The following TMEM165 variants were observed in gnomAD, a reference collection of about 807,000 sequenced individuals.
The protein encoded by TMEM165 is putative divalent cation/proton antiporter TMEM165.
In TMEM165, 19 loss-of-function variants were observed where a neutral mutation model predicts 30.0. The ratio of observed to expected loss-of-function variants is 0.63; its 90% CI spans 0.44 to 0.93. The LOEUF (loss-of-function observed/expected upper bound fraction) is 0.93. TMEM165 is among the 40% of genes least tolerant of loss of function. The pLI, the probability that TMEM165 is intolerant of heterozygous loss-of-function variation, is 0.00. For missense variants in TMEM165, 340 were observed against 417.0 expected, an observed-to-expected ratio of 0.82 and a Z score of 1.61; for synonymous variants, 168 against 162.9, an observed-to-expected ratio of 1.03 and a Z score of -0.24.
rs35154686 is a variant in TMEM165 at position 55,425,453 on chromosome 4, CAA to C, written c.*2_*3del. 525,647 of 1,606,002 alleles carry C rather than the reference CAA, an allele frequency of 0.33. 91,292 individuals carry two copies. Among genetic ancestry groups the C allele is most frequent in the East Asian group, 0.61 (27,144 of 44,714 alleles). ...TATAAGCCCTGATTCTGGTTTTTAA[CAA>C]GCTGTTTGTTCATCTATATTTAGTT... On this transcript the variant is annotated 3_prime_UTR_variant, in exon 6 of 6. Transcript: ENST00000381334.
chr4:55,448,916 A>G, intron 3 of TMEM165: 2 of 1,353,822 alleles, frequency 1.5e-6, no homozygotes, highest in Non-Finnish European at 2.1e-6. Flanking sequence ...ATTCCCATAC[A>G]TGAGTACTTC....
intron 3 of TMEM165, among the ~76,000 whole-genome samples, chr4:55,450,597 G>A (rs984076554): frequency 3.3e-5 from 5 of 152,058 alleles, no homozygotes; most frequent in South Asian, 2.1e-4. Context: ...GTGAAACCCC[G>A]TCTCTACCAA....
chr4:55,437,724 G>C (rs1429905196), intron 3 of TMEM165, among the ~76,000 whole-genome samples: 3 of 152,186 alleles, frequency 2.0e-5, no homozygotes, highest in Admixed American at 2.0e-4. Flanking sequence ...GCAGTACGTG[G>C]TGCAGCAGTG....
intron 5 of TMEM165, 147 bp downstream of exon 5, chr4:55,424,790 G>A (rs1722124911): frequency 1.7e-6 from 1 of 588,452 alleles, no homozygotes; most frequent in Non-Finnish European, 2.9e-6. Context: ...ATTAATCCTG[G>A]TATTGCAAAT....
chr4:55,443,818 G>C (rs1316052878), intron 3 of TMEM165: 2 of 1,613,902 alleles, frequency 1.2e-6, no homozygotes, highest in African/African-American at 1.3e-5. Flanking sequence ...GGTGCAAGTT[G>C]CTGGATATTA....
At chr4:55,417,402 T>C (rs1016565646) in intron 3 of TMEM165, among the ~76,000 whole-genome samples, 155 bp downstream of exon 3, 4 of 152,216 alleles carry the variant, frequency 2.6e-5, no homozygotes, top group Non-Finnish European at 5.9e-5. Flanking sequence ...GTCTGTGATC[T>C]GACTTGGGGT....
chr4:55,434,815 AC>A (rs1265910979), intron 3 of TMEM165: 2 of 157,422 alleles, frequency 1.3e-5, no homozygotes, highest in African/African-American at 4.8e-5. Context: ...CATGCAGCAT[AC>A]AAAATGTTTT....
intron 4 of TMEM165, among the ~76,000 whole-genome samples, chr4:55,422,572 T>A (rs1722025586): frequency 1.3e-5 from 2 of 152,174 alleles, no homozygotes; most frequent in Admixed American, 1.3e-4. Flanking sequence ...CAACTGACTC[T>A]TAACTTTAAA....
At chr4:55,427,434 C>CTGAGT (rs1553887701), downstream of TMEM165, among the ~76,000 whole-genome samples, 5 of 152,002 alleles carry the variant, frequency 3.3e-5, no homozygotes, top group African/African-American at 1.2e-4. Flanking sequence ...CCTCTGCCTC[C>CTGAGT]TGAGTTCAAG....
At chr4:55,414,066 A>C (rs7663955) in intron 2 of TMEM165, among the ~76,000 whole-genome samples, 1 of 151,976 alleles carries the variant, frequency 6.6e-6, no homozygotes, top group Admixed American at 6.5e-5. Flanking sequence ...CAGGAGATCG[A>C]GGCCATCCTG....
chr4:55,434,627 C>T (rs939841670), intron 3 of TMEM165: 1 of 152,396 alleles, frequency 6.6e-6, no homozygotes, highest in African/African-American at 2.4e-5. Context: ...CACATCATAC[C>T]TCACTGAACA....
chr4:55,408,326 T>C (rs1451457447), intron 1 of TMEM165, among the ~76,000 whole-genome samples: 1 of 152,218 alleles, frequency 6.6e-6, no homozygotes, highest in African/African-American at 2.4e-5. Flanking sequence ...GGATGTGTTC[T>C]GAGAAACTCA....
At chr4:55,422,963 A>T (rs1159228209) in intron 4 of TMEM165, among the ~76,000 whole-genome samples, 1 of 152,034 alleles carries the variant, frequency 6.6e-6, no homozygotes, top group Admixed American at 6.5e-5. Flanking sequence ...TAAGAGATGG[A>T]GTCTTGCTTT....
intron 4 of TMEM165, among the ~76,000 whole-genome samples, chr4:55,422,382 C>T (rs996507849): frequency 6.6e-6 from 1 of 152,032 alleles, no homozygotes; most frequent in Admixed American, 6.6e-5. Flanking sequence ...CTCAGCCTCC[C>T]GAGTAGCTAG....
chr4:55,444,740 G>T (rs150012219), intron 3 of TMEM165: 1 of 1,613,964 alleles, frequency 6.2e-7, no homozygotes, highest in East Asian at 2.2e-5. Flanking sequence ...TGTTCCAATT[G>T]GTCTTTCAGA....
Position 55,438,353 on chromosome 4 carries a change from CCTGGGAGCTCTGCTGCTG to C in TMEM165, c.408+13714_408+13731del, listed in dbSNP as rs755346633. 98 of 1,613,842 alleles carry C rather than the reference CCTGGGAGCTCTGCTGCTG, an allele frequency of 6.1e-5. 3 individuals are homozygous for C. The South Asian group carries it at 1.0e-3, about 17-fold the overall frequency. ...TGCTGAACTGAAGTGAGCTGCTGCT[CCTGGGAGCTCTGCTGCTG>C]CTGCTGCTGCGTTACTGACAATGTC... On this transcript the variant is annotated intron_variant, in intron 3 of 3. Transcript: ENST00000608091.
chr4:55,438,668 T>G, intron 3 of TMEM165: 1 of 1,334,214 alleles, frequency 7.5e-7, no homozygotes, highest in South Asian at 1.4e-5. Flanking sequence ...GGTCTGTATA[T>G]TCCTACTTTG....
intron 3 of TMEM165, among the ~76,000 whole-genome samples, chr4:55,445,794 C>G (rs1412430450): frequency 6.6e-6 from 1 of 151,362 alleles, no homozygotes; most frequent in Non-Finnish European, 1.5e-5. Context: ...TAGGGTCTTG[C>G]TATGTTGCCC....
chr4:55,433,887 T>C (rs894434209), intron 3 of TMEM165: 1 of 152,222 alleles, frequency 6.6e-6, no homozygotes, highest in Non-Finnish European at 1.5e-5. Context: ...CCCCTTCTTT[T>C]TTCTTTGTAG....
Sources: allele counts gnomAD v4.1 joint callset (sites outside exome capture counted in the v4.1 genomes callset), GRCh38; gene constraint gnomAD v4.1.1; transcripts MANE v1.5; gene names NCBI Gene and HGNC (gene_info 2026-07-23, HGNC 2026-07-21).